TRIM42: variants seen among roughly 807,000 people sequenced by gnomAD.
TRIM42 encodes the protein tripartite motif containing 42.
In TRIM42, 59 loss-of-function variants were observed where a neutral mutation model predicts 64.9. The observed-to-expected ratio is 0.91, with a 90% CI of 0.74 to 1.13. TRIM42 has a LOEUF of 1.13. Ranked by LOEUF, TRIM42 falls within the 50% of genes most tolerant of loss-of-function variation. The pLI, the probability that TRIM42 is intolerant of heterozygous loss-of-function variation, is 0.00. For synonymous variants in TRIM42, 354 were observed against 346.3 expected, an observed-to-expected ratio of 1.02 and a Z score of -0.25; for missense variants, 878 against 929.5, an observed-to-expected ratio of 0.94 and a Z score of 0.72.
chr3:140,688,956 T>C (rs1988636764), intron 3 of TRIM42, among the ~76,000 whole-genome samples: 1 of 152,248 alleles, frequency 6.6e-6, no homozygotes, highest in Non-Finnish European at 1.5e-5. Context: ...ACCTATCAGC[T>C]GTTTCCGTTA....
At chr3:140,691,321 T>C in intron 4 of TRIM42, 129 bp downstream of exon 4, 2 of 797,488 alleles carry the variant, frequency 2.5e-6, no homozygotes, top group South Asian at 3.5e-5. Flanking sequence ...GAACATTTGT[T>C]AACTTGAGGC....
intron 4 of TRIM42, among the ~76,000 whole-genome samples, chr3:140,698,351 T>C (rs745986113): frequency 3.3e-5 from 5 of 152,236 alleles, no homozygotes; most frequent in Non-Finnish European, 5.9e-5. Flanking sequence ...CCATAGTCTA[T>C]GTTCTTTACT....
chr3:140,687,565 T>C (rs1487485710), intron 2 of TRIM42, among the ~76,000 whole-genome samples, 157 bp from the exon 3 acceptor site: 1 of 152,210 alleles, frequency 6.6e-6, no homozygotes, highest in African/African-American at 2.4e-5. Context: ...ATTCATTTCA[T>C]AAACCTATTC....
Position 140,696,457 on chromosome 3 carries a change from C to T in TRIM42, c.2086-4431C>T, listed in dbSNP as rs142838265. Among the ~76,000 whole-genome samples the T allele has an allele frequency of 1.8e-3, 269 of 152,342 alleles. 2 individuals carry two copies. The highest frequency in any genetic ancestry group is 3.4e-3 in the Non-Finnish European group (230 of 68,040). On this transcript the variant is annotated intron_variant, in intron 4 of 4. Transcript: ENST00000286349. ...GGCAGGATGGACACCCAGGTGACCTCCAATAATACTGCAGTGAACAGCCTT... is the reference window on the plus strand; with the variant it reads ...GGCAGGATGGACACCCAGGTGACCTTCAATAATACTGCAGTGAACAGCCTT...
intron 1 of TRIM42, among the ~76,000 whole-genome samples, chr3:140,682,161 C>A (rs889483926): frequency 2.0e-5 from 3 of 152,182 alleles, no homozygotes; most frequent in Non-Finnish European, 4.4e-5. Flanking sequence ...CTGTGTACCA[C>A]GGACTGCTCT....
At chr3:140,683,410 A>T (rs1220690658) in intron 2 of TRIM42, among the ~76,000 whole-genome samples, 2 of 152,152 alleles carry the variant, frequency 1.3e-5, no homozygotes, top group Admixed American at 6.5e-5. Flanking sequence ...TGACCCCCTC[A>T]CTGGGTTGCC....
Position 140,682,883 on chromosome 3 carries a change from C to T in TRIM42, c.763C>T (p.Arg255Cys). ...RIAYKRCITCRLNLCNDCLKA... is the reference protein window; with the variant it reads ...RIAYKRCITCCLNLCNDCLKA... ...CGCTTACAAGCGCTGCATCACCTGCCGCCTCAACCTGTGCAACGACTGCCT... is the reference window on the plus strand; with the variant it reads ...CGCTTACAAGCGCTGCATCACCTGCTGCCTCAACCTGTGCAACGACTGCCT... Residue 255 changes from arginine (R) to cysteine (C), a missense_variant, in exon 2 of 5, where the codon CGC (arginine) becomes TGC (cysteine). Transcript: ENST00000286349. The T allele has an allele frequency of 1.2e-6, 2 of 1,614,188 alleles. No individual in the cohort carries two copies. Among genetic ancestry groups the T allele is most frequent in the Non-Finnish European group, 8.5e-7 (1 of 1,179,994 alleles).
At chr3:140,697,423 G>C (rs1988879856) in intron 4 of TRIM42, among the ~76,000 whole-genome samples, 1 of 152,062 alleles carries the variant, frequency 6.6e-6, no homozygotes, top group Non-Finnish European at 1.5e-5. Context: ...CTTAGGATTA[G>C]ATCACAAAGA....
intron 3 of TRIM42, 43 bp from the exon 4 acceptor site, chr3:140,690,925 G>T: frequency 6.8e-7 from 1 of 1,469,894 alleles, no homozygotes; most frequent in South Asian, 1.1e-5. Context: ...AAAGCTGAAT[G>T]ATGTATACTA....
At chr3:140,700,840 G>T in intron 4 of TRIM42, 48 bp from the exon 5 acceptor site, 1 of 1,566,008 alleles carries the variant, frequency 6.4e-7, no homozygotes, top group South Asian at 1.1e-5. Context: ...CCAGGCTACT[G>T]GGAGCTGTTG....
chr3:140,678,921 T>G (rs1988284401), intron 1 of TRIM42, among the ~76,000 whole-genome samples: 1 of 152,114 alleles, frequency 6.6e-6, no homozygotes, highest in South Asian at 2.1e-4. Context: ...GTCCACTGTT[T>G]CCATGAGGAA....
At chr3:140,690,929 T>C in intron 3 of TRIM42, 39 bp from the exon 4 acceptor site, 1 of 1,474,088 alleles carries the variant, frequency 6.8e-7, no homozygotes, top group Non-Finnish European at 9.5e-7. Context: ...CTGAATGATG[T>C]ATACTAGTAC....
chr3:140,680,880 C>T (rs981548664), intron 1 of TRIM42, among the ~76,000 whole-genome samples: 4 of 152,148 alleles, frequency 2.6e-5, no homozygotes, highest in African/African-American at 9.7e-5. Flanking sequence ...AGGCTCCTGG[C>T]CAAGGGAGCA....
At chr3:140,695,195 C>A (rs1294624009) in intron 4 of TRIM42, among the ~76,000 whole-genome samples, 4 of 152,084 alleles carry the variant, frequency 2.6e-5, no homozygotes, top group Non-Finnish European at 5.9e-5. Context: ...TTGCAGTGGG[C>A]CAAGATCAAG....
At position 140,693,045 on chromosome 3, in the gene TRIM42, C is replaced by T. The variant is rs80047964; in HGVS notation, c.2085+1853C>T. On this transcript the variant is annotated intron_variant, in intron 4 of 4. Coordinates refer to ENST00000286349, the MANE Select transcript of TRIM42 (RefSeq NM_152616.5). ...TCACATCTAATTCATGGTTCTTTCT[C>T]CCACAGTGCTTACCACAGCACTTTG... 2.9e-3 allele frequency among the ~76,000 whole-genome samples: 442 copies of T among 152,240 alleles called. 12 individuals carry two copies. The East Asian group carries it at 0.074, about 25-fold the overall frequency.
intron 1 of TRIM42, chr3:140,680,747 C>T: frequency 1.0e-6 from 1 of 982,580 alleles, no homozygotes; most frequent in Non-Finnish European, 1.2e-6. Flanking sequence ...CTAGAGCTCC[C>T]AGATCCCTAA....
At chr3:140,691,679 A>G (rs1988719558) in intron 4 of TRIM42, among the ~76,000 whole-genome samples, 1 of 152,190 alleles carries the variant, frequency 6.6e-6, no homozygotes, top group African/African-American at 2.4e-5. Flanking sequence ...TTTAGAACCT[A>G]TTTATACTAA....
rs866559925 is a variant in TRIM42, at chr3:140,688,448, G to T, written c.1766G>T (p.Ser589Ile). 6.2e-7 allele frequency: 1 copy of T among 1,614,198 alleles called. No individual in the cohort carries two copies. Residue 589 changes from serine to isoleucine, a missense_variant, in exon 3 of 5, where the codon AGC becomes ATC. Coordinates refer to ENST00000286349, the MANE Select transcript of TRIM42 (RefSeq NM_152616.5). ...AGCCAGTCTGTACAGAACAGCAGCA[G>T]CTTCCACAACTGGTACTCATTCAAC... ...ADSQSVQNSS[S>I]FHNWYSFNDG...
chr3:140,688,046 A>G lies in TRIM42; in HGVS notation c.1364A>G (p.Asp455Gly). The change falls in exon 3 of 5, where the codon GAC (aspartate) becomes GGC (glycine). Residue 455 changes from aspartate (D) to glycine (G), a missense_variant. Transcript: ENST00000286349. ...AAGATCCTGGTGGACCAGATCGAGG[A>G]CGGCATCCAGACCACCTACAGGCCT... The part of the protein sequence containing the change: ...SAKILVDQIE[D>G]GIQTTYRPDP... 2 of 1,614,102 alleles carry G rather than the reference A, an allele frequency of 1.2e-6. No individual in the cohort carries two copies. Among genetic ancestry groups the G allele is most frequent in the Non-Finnish European group, 1.7e-6 (2 of 1,180,032 alleles).
Sources: gnomAD v4.1 joint callset for allele counts (sites outside exome capture counted in the v4.1 genomes callset) on GRCh38, gnomAD v4.1.1 for gene constraint, MANE v1.5 for transcripts, NCBI Gene and HGNC (gene_info 2026-07-23, HGNC 2026-07-21) for gene names.